The following TBC1D22A variants were observed in gnomAD, a reference collection of about 807,000 sequenced individuals.
The protein encoded by TBC1D22A is putative GTPase activator.
A neutral mutation model predicts 60.2 loss-of-function variants in TBC1D22A; 38 were observed. The observed-to-expected ratio is 0.63, with a 90% CI of 0.49 to 0.83. TBC1D22A has a LOEUF of 0.83. Ranked by LOEUF, TBC1D22A falls within the 40% of genes least tolerant of loss-of-function variation. The probability of loss-of-function intolerance (pLI) is 0.00; values close to 1 mark genes in which losing one functional copy is unlikely to be tolerated. For synonymous variants in TBC1D22A, 302 were observed against 281.7 expected (o/e 1.07, Z -0.72); for missense variants, 628 against 701.0 (o/e 0.90, Z 1.18).
At chr22:46,763,096 C>G (rs138193271) in intron 1 of TBC1D22A, among the ~76,000 whole-genome samples, 1 of 152,224 alleles carries the variant, frequency 6.6e-6, no homozygotes, top group East Asian at 1.9e-4. Flanking sequence ...TTTCCTGACA[C>G]TGGCAGGCTT....
intron 10 of TBC1D22A, among the ~76,000 whole-genome samples, chr22:47,031,975 T>C (rs1487534511): frequency 1.3e-5 from 2 of 152,132 alleles, no homozygotes; most frequent in Admixed American, 6.5e-5. Flanking sequence ...CAATGACAGG[T>C]GTTCCAGAAA....
intron 11 of TBC1D22A, among the ~76,000 whole-genome samples, chr22:47,057,612 T>C (rs373190588): frequency 2.6e-5 from 4 of 152,220 alleles, no homozygotes; most frequent in Non-Finnish European, 4.4e-5. Flanking sequence ...ACAATCATCA[T>C]GGAAGACGAA....
chr22:47,026,443 A>G (rs942078112), intron 10 of TBC1D22A, among the ~76,000 whole-genome samples: 6 of 152,244 alleles, frequency 3.9e-5, no homozygotes, highest in Non-Finnish European at 8.8e-5. Flanking sequence ...AGTGGCATCT[A>G]GACCAAAAAG....
At chr22:46,909,728 C>G (rs2069763947) in intron 7 of TBC1D22A, among the ~76,000 whole-genome samples, 1 of 152,220 alleles carries the variant, frequency 6.6e-6, no homozygotes, top group Non-Finnish European at 1.5e-5. Flanking sequence ...TCAGAGGCCC[C>G]TCAGAGGCTT....
At chr22:46,779,137 T>C (rs952945350) in intron 1 of TBC1D22A, among the ~76,000 whole-genome samples, 17 of 152,248 alleles carry the variant, frequency 1.1e-4, no homozygotes, top group Admixed American at 1.3e-4. Flanking sequence ...TTACGTACAG[T>C]ACATAATGTA....
At chr22:47,026,249 C>A (rs576611436) in intron 10 of TBC1D22A, among the ~76,000 whole-genome samples, 1 of 152,256 alleles carries the variant, frequency 6.6e-6, no homozygotes, top group African/African-American at 2.4e-5. Flanking sequence ...AGAGCATGTT[C>A]GATGTTTAAA....
chr22:46,839,055 TA>T (rs2086639466), intron 4 of TBC1D22A, among the ~76,000 whole-genome samples: 1 of 151,866 alleles, frequency 6.6e-6, no homozygotes, highest in Non-Finnish European at 1.5e-5. Context: ...AAAGGAAAAA[TA>T]AAATTGTGTG....
At chr22:46,783,540 C>G (rs911352646) in intron 1 of TBC1D22A, among the ~76,000 whole-genome samples, 2 of 152,214 alleles carry the variant, frequency 1.3e-5, no homozygotes, top group African/African-American at 4.8e-5. Context: ...CTCAGCTGCT[C>G]CCTCCACCCA....
rs1391037652 is a variant in TBC1D22A, at chr22:47,019,524, C to T, written c.1202-17547C>T. On this transcript the variant is annotated intron_variant, in intron 10 of 12. Transcript: ENST00000337137. ...AGGTTGGGACATCGGTGCTGAGTCT[C>T]GTATAGGTGTTTGGGGGCAGAGGAA... Among the ~76,000 whole-genome samples the T allele has an allele frequency of 4.0e-5, 6 of 151,752 alleles. 1 individual carries two copies. The highest frequency in any genetic ancestry group is 4.2e-4 in the South Asian group (2 of 4,796).
chr22:47,056,033 T>C (rs1385223401), intron 11 of TBC1D22A, among the ~76,000 whole-genome samples: 1 of 147,882 alleles, frequency 6.8e-6, no homozygotes, highest in Non-Finnish European at 1.5e-5. Flanking sequence ...GCTCCCGTCA[T>C]CAGGCTTCAT....
At chr22:47,112,538 G>A (rs918189396) in intron 12 of TBC1D22A, among the ~76,000 whole-genome samples, 4 of 152,212 alleles carry the variant, frequency 2.6e-5, no homozygotes, top group Admixed American at 2.6e-4. Context: ...TTCCTTCCGA[G>A]GGCCTTGGGA....
chr22:46,781,029 T>C (rs2083910066), intron 1 of TBC1D22A, among the ~76,000 whole-genome samples: 1 of 152,236 alleles, frequency 6.6e-6, no homozygotes, highest in East Asian at 1.9e-4. Flanking sequence ...CCCATTCTCT[T>C]TCTCTTGGGC....
chr22:46,851,174 G>C (rs1405876994), intron 4 of TBC1D22A, among the ~76,000 whole-genome samples: 1 of 152,248 alleles, frequency 6.6e-6, no homozygotes, highest in Non-Finnish European at 1.5e-5. Flanking sequence ...AAACATACCT[G>C]TTGGCTTTGC....
intron 8 of TBC1D22A, among the ~76,000 whole-genome samples, chr22:46,916,335 G>A (rs575044181): frequency 6.6e-6 from 1 of 152,334 alleles, no homozygotes; most frequent in African/African-American, 2.4e-5. Flanking sequence ...GTGCTCAGAG[G>A]TGGGTTAGGG....
chr22:46,789,391 A>G (rs951232129), intron 1 of TBC1D22A: 22 of 458,816 alleles, frequency 4.8e-5, no homozygotes, highest in African/African-American at 4.4e-4. Context: ...TCCCGATAAG[A>G]CTGGGTTTCT....
At chr22:46,877,438 G>A (rs535689870) in intron 4 of TBC1D22A, among the ~76,000 whole-genome samples, 16 of 152,306 alleles carry the variant, frequency 1.1e-4, no homozygotes, top group Non-Finnish European at 1.8e-4. Flanking sequence ...GAGTTATGCC[G>A]AGGGAGAGAC....
intron 4 of TBC1D22A, among the ~76,000 whole-genome samples, chr22:46,859,038 CTGTG>C (rs2087734328): frequency 9.4e-5 from 12 of 128,266 alleles, no homozygotes; most frequent in African/African-American, 2.3e-4. Flanking sequence ...CCGCGCAGTG[CTGTG>C]CCCCTTCCCG....
chr22:46,813,233 C>G (rs2085457903), intron 4 of TBC1D22A, among the ~76,000 whole-genome samples: 1 of 152,202 alleles, frequency 6.6e-6, no homozygotes, highest in African/African-American at 2.4e-5. Flanking sequence ...TGTGCCTGTT[C>G]CATCAGAAGT....
At chr22:46,843,705 G>A (rs1174636010) in intron 4 of TBC1D22A, among the ~76,000 whole-genome samples, 2 of 152,096 alleles carry the variant, frequency 1.3e-5, no homozygotes, top group African/African-American at 4.8e-5. Context: ...CAGTTTAAGA[G>A]GGGCAGGTGA....
Sources: allele counts gnomAD v4.1 joint callset (sites outside exome capture counted in the v4.1 genomes callset), GRCh38; gene constraint gnomAD v4.1.1; transcripts MANE v1.5; gene names NCBI Gene and HGNC (gene_info 2026-07-23, HGNC 2026-07-21).